CSNK1G1: variants seen among roughly 807,000 people sequenced by gnomAD.
CSNK1G1 encodes the protein casein kinase I isoform gamma-1.
CSNK1G1 carries 22 observed loss-of-function variants against 59.6 expected under a neutral mutation model. The observed-to-expected ratio is 0.37, with a 90% CI of 0.26 to 0.53. The LOEUF is 0.53. Ranked by LOEUF, CSNK1G1 falls within the 20% of genes least tolerant of loss-of-function variation. CSNK1G1 has a pLI of 0.89. For missense variants in CSNK1G1, 384 were observed against 519.5 expected, an observed-to-expected ratio of 0.74 and a Z score of 2.54; for synonymous variants, 179 against 177.1, an observed-to-expected ratio of 1.01 and a Z score of -0.08.
At chr15:64,295,421 AAAT>A (rs1894969214) in intron 2 of CSNK1G1, among the ~76,000 whole-genome samples, 1 of 152,176 alleles carries the variant, frequency 6.6e-6, no homozygotes, top group African/African-American at 2.4e-5. Context: ...TCTTCCCATC[AAAT>A]AATTAGTGAC....
chr15:64,238,899 G>C (rs1228218280), intron 4 of CSNK1G1, among the ~76,000 whole-genome samples: 1 of 152,066 alleles, frequency 6.6e-6, no homozygotes, highest in Non-Finnish European at 1.5e-5. Context: ...CAGATACCAA[G>C]AGTCTCCCCA....
chr15:64,206,794 AATAG>A (rs2082188494), intron 7 of CSNK1G1, among the ~76,000 whole-genome samples: 1 of 152,174 alleles, frequency 6.6e-6, no homozygotes. Flanking sequence ...TTTTGCAATG[AATAG>A]ATATTGTCTG....
chr15:64,272,875 G>A (rs181481886), intron 2 of CSNK1G1, among the ~76,000 whole-genome samples: 1 of 151,912 alleles, frequency 6.6e-6, no homozygotes, highest in Non-Finnish European at 1.5e-5. Context: ...ACCACATCCA[G>A]CTAATTTTTG....
chr15:64,229,389 T>A (rs2082509276), intron 4 of CSNK1G1, among the ~76,000 whole-genome samples: 1 of 152,216 alleles, frequency 6.6e-6, no homozygotes, highest in Non-Finnish European at 1.5e-5. Flanking sequence ...CAAGCCCAAT[T>A]ACTCAGAATA....
chr15:64,259,685 G>T (rs984510860), intron 2 of CSNK1G1, among the ~76,000 whole-genome samples: 1 of 152,030 alleles, frequency 6.6e-6, no homozygotes, highest in Non-Finnish European at 1.5e-5. Flanking sequence ...ATGGTATTTC[G>T]TGTCAACTTT....
intron 2 of CSNK1G1, among the ~76,000 whole-genome samples, chr15:64,289,029 G>C (rs1336430202): frequency 1.3e-5 from 2 of 151,832 alleles, no homozygotes; most frequent in African/African-American, 4.8e-5. Flanking sequence ...ACAAAAATTA[G>C]CCGGCCGTGG....
intron 2 of CSNK1G1, among the ~76,000 whole-genome samples, chr15:64,264,337 G>C (rs1325950085): frequency 6.6e-6 from 1 of 152,074 alleles, no homozygotes; most frequent in Non-Finnish European, 1.5e-5. Flanking sequence ...AGAAGAAATA[G>C]AAAACCTGAA....
At chr15:64,277,539 GTTA>G (rs889720725) in intron 2 of CSNK1G1, among the ~76,000 whole-genome samples, 51 of 136,528 alleles carry the variant, frequency 3.7e-4, no homozygotes, top group African/African-American at 1.3e-3. Context: ...TTTTCATATT[GTTA>G]TTAATATTAA....
At chr15:64,304,704 T>C (rs1449594483) in intron 1 of CSNK1G1, among the ~76,000 whole-genome samples, 2 of 152,210 alleles carry the variant, frequency 1.3e-5, no homozygotes, top group Non-Finnish European at 2.9e-5. Flanking sequence ...TTCTCATATA[T>C]TGGCTTTATC....
intron 1 of CSNK1G1, among the ~76,000 whole-genome samples, chr15:64,346,912 T>C (rs556114499): frequency 6.6e-5 from 10 of 152,250 alleles, no homozygotes; most frequent in Non-Finnish European, 1.3e-4. Context: ...AAAAAATATA[T>C]CTGATTAAGG....
chr15:64,204,519 T>C lies in CSNK1G1; in HGVS notation c.921A>G (p.Leu307=). The C allele has an allele frequency of 6.2e-7, 1 of 1,613,632 alleles. No homozygotes were observed. The highest frequency in any genetic ancestry group is 1.7e-5 in the Admixed American group (1 of 59,942). The stretch of plus-strand genomic sequence containing the variant: ...CAAAGAGGTCTGTGAAGAGGGTCCG[T>C]AAATACTCATAATCAGGTTTTTCAA... ...DFFEKPDYEY[L]RTLFTDLFEK... The change falls in exon 9 of 12, where the codon TTA becomes TTG. Residue 307 remains leucine, a synonymous_variant. Coordinates refer to ENST00000303052, the MANE Select transcript of CSNK1G1 (RefSeq NM_022048.5).
At chr15:64,345,039 C>A (rs1566955507) in intron 1 of CSNK1G1, among the ~76,000 whole-genome samples, 1 of 152,110 alleles carries the variant, frequency 6.6e-6, no homozygotes, top group Admixed American at 6.5e-5. Flanking sequence ...ACAAAACTCA[C>A]CAAACAGAGT....
chr15:64,290,224 A>G (rs1409746961), intron 2 of CSNK1G1, among the ~76,000 whole-genome samples: 2 of 152,108 alleles, frequency 1.3e-5, no homozygotes, highest in African/African-American at 4.8e-5. Context: ...AAAGGAAAAG[A>G]AATCATTACA....
intron 1 of CSNK1G1, chr15:64,342,736 C>A (rs1164285848): frequency 1.3e-5 from 2 of 152,168 alleles, no homozygotes; most frequent in Non-Finnish European, 2.9e-5. Context: ...AATTAAAAAT[C>A]TTCTATGGAT....
intron 2 of CSNK1G1, among the ~76,000 whole-genome samples, chr15:64,278,421 TATATATATATA>T (rs1893913806): frequency 4.6e-5 from 4 of 86,818 alleles, no homozygotes; most frequent in African/African-American, 2.5e-4. Flanking sequence ...TGTGTGTGTA[TATATATATATA>T]TTTTTTTTTT....
At position 64,165,803 on chromosome 15, in the gene CSNK1G1, C is replaced by A; in HGVS notation, c.*6128G>T. 1 of 398,048 alleles carries A rather than the reference C, an allele frequency of 2.5e-6. No homozygotes were observed. Among genetic ancestry groups the A allele is most frequent in the Non-Finnish European group, 4.4e-6 (1 of 225,466 alleles). The allele number at this position is 398,048 out of a possible 1,614,324, so 24.7% of individuals were successfully genotyped here. On this transcript the variant is annotated 3_prime_UTR_variant, in exon 12 of 12. Transcript: ENST00000303052. ...CAAACTGAGTCCTTTCCTCCCCAAA[C>A]TGGGGAAGAGGTATACTTAAAGATC... is the stretch of plus-strand genomic sequence containing the variant.
chr15:64,222,523 G>C (rs976092568), intron 4 of CSNK1G1, among the ~76,000 whole-genome samples: 1 of 149,772 alleles, frequency 6.7e-6, no homozygotes, highest in Non-Finnish European at 1.5e-5. Context: ...TTTCCTTCTA[G>C]CTACCTTCTG....
chr15:64,254,387 C>T (rs1189332361), intron 3 of CSNK1G1, among the ~76,000 whole-genome samples: 1 of 146,370 alleles, frequency 6.8e-6, no homozygotes, highest in Non-Finnish European at 1.5e-5. Context: ...GAGTTTCACT[C>T]TTGTTGCCCA....
intron 11 of CSNK1G1, among the ~76,000 whole-genome samples, chr15:64,178,197 A>C (rs2081763832): frequency 6.6e-6 from 1 of 152,310 alleles, no homozygotes; most frequent in South Asian, 2.1e-4. Context: ...TTGTTTATTT[A>C]AGATAATGTA....
Sources: gnomAD v4.1 joint callset for allele counts (sites outside exome capture counted in the v4.1 genomes callset) on GRCh38, gnomAD v4.1.1 for gene constraint, MANE v1.5 for transcripts, NCBI Gene and HGNC (gene_info 2026-07-23, HGNC 2026-07-21) for gene names.